Variants in EXT1 observed in about 807,000 individuals in gnomAD.
The protein encoded by EXT1 is exostosin glycosyltransferase 1.
A neutral mutation model predicts 82.5 loss-of-function variants in EXT1; 20 were observed. The observed-to-expected ratio is 0.24, with a 90% CI of 0.17 to 0.35. The LOEUF is 0.35. Among genes scored for constraint, EXT1 ranks in the 10% least tolerant of loss-of-function variants. EXT1 has a pLI of 1.00. For synonymous variants in EXT1, 348 were observed against 350.8 expected (o/e 0.99, Z 0.09); for missense variants, 757 against 936.5 (o/e 0.81, Z 2.50).
intron 1 of EXT1, among the ~76,000 whole-genome samples, chr8:117,876,783 TTTGTTTA>T (rs1436829588): frequency 4.6e-5 from 7 of 152,186 alleles, no homozygotes; most frequent in Non-Finnish European, 8.8e-5. Context: ...TGGAGATTCA[TTTGTTTA>T]CCATTCATTC....
chr8:118,009,566 G>A (rs1815851273), intron 1 of EXT1, among the ~76,000 whole-genome samples: 1 of 152,208 alleles, frequency 6.6e-6, no homozygotes, highest in Non-Finnish European at 1.5e-5. Context: ...TTGGGCAGCA[G>A]ACCGACCCTA....
chr8:118,084,664 G>C (rs114214380), intron 1 of EXT1, among the ~76,000 whole-genome samples: 3 of 152,190 alleles, frequency 2.0e-5, no homozygotes, highest in African/African-American at 7.2e-5. Flanking sequence ...GACTCTGGGA[G>C]CACAGTCCAG....
chr8:118,109,329 G>A (rs1817848874), intron 1 of EXT1, among the ~76,000 whole-genome samples: 1 of 149,418 alleles, frequency 6.7e-6, no homozygotes, highest in Admixed American at 6.7e-5. Context: ...TTAGCAACTG[G>A]AGTTTAGACA....
chr8:117,962,248 T>G (rs1048848093), intron 1 of EXT1, among the ~76,000 whole-genome samples: 2 of 152,194 alleles, frequency 1.3e-5, no homozygotes, highest in African/African-American at 4.8e-5. Context: ...CTTCTTTCTA[T>G]GAATCTATGC....
In EXT1 at chr8:118,103,407, C is replaced by G. The variant is rs1454136466; in HGVS notation, c.962+6678G>C. Among the ~76,000 whole-genome samples the G allele has an allele frequency of 2.0e-5, 3 of 152,170 alleles. No homozygotes were observed. In the South Asian group the frequency reaches 6.2e-4, roughly 32 times the overall value. On this transcript the variant is annotated intron_variant, in intron 1 of 10. Transcript: ENST00000378204. ...GCTCAAGCAATCCTCCCGCCTTAGCCTTCCAAAGTGCTGGGATTACAGGCA... is the reference window on the plus strand; with the variant it reads ...GCTCAAGCAATCCTCCCGCCTTAGCGTTCCAAAGTGCTGGGATTACAGGCA...
chr8:118,066,164 T>C (rs539395852), intron 1 of EXT1, among the ~76,000 whole-genome samples: 1 of 152,266 alleles, frequency 6.6e-6, no homozygotes, highest in African/African-American at 2.4e-5. Flanking sequence ...TCCACATCTG[T>C]CACCCGCAAG....
At chr8:117,927,740 G>T (rs2129643222) in intron 1 of EXT1, among the ~76,000 whole-genome samples, 1 of 152,264 alleles carries the variant, frequency 6.6e-6, no homozygotes. Context: ...GTTTGCCTGT[G>T]ACCCATACGG....
At chr8:117,991,584 T>TGG (rs1342558223) in intron 1 of EXT1, among the ~76,000 whole-genome samples, 1 of 151,976 alleles carries the variant, frequency 6.6e-6, no homozygotes, top group African/African-American at 2.4e-5. Context: ...TTTTTTGAGA[T>TGG]GGAGTAAGAC....
At chr8:117,858,800 C>G (rs1347484320) in intron 1 of EXT1, among the ~76,000 whole-genome samples, 4 of 71,746 alleles carry the variant, frequency 5.6e-5, no homozygotes, top group Admixed American at 2.9e-4. Context: ...CAAGGCAAGG[C>G]AAGGCAAGGC....
intron 1 of EXT1, among the ~76,000 whole-genome samples, chr8:117,910,479 G>A (rs190625696): frequency 1.4e-4 from 22 of 152,242 alleles, no homozygotes; most frequent in Admixed American, 3.3e-4. Context: ...TGAGACTGCC[G>A]AAAACACATC....
At chr8:117,885,508 AAAAAG>A (rs1813132742) in intron 1 of EXT1, among the ~76,000 whole-genome samples, 1 of 151,590 alleles carries the variant, frequency 6.6e-6, no homozygotes, top group African/African-American at 2.4e-5. Context: ...AAAAAAAAAA[AAAAAG>A]AAAGAAAGAA....
chr8:117,910,810 G>C (rs541193145), intron 1 of EXT1, among the ~76,000 whole-genome samples: 1 of 152,172 alleles, frequency 6.6e-6, no homozygotes, highest in East Asian at 1.9e-4. Flanking sequence ...GGCAGGATCC[G>C]CATGATCCTG....
At chr8:118,070,313 TTAGAG>T (rs750236199) in intron 1 of EXT1, among the ~76,000 whole-genome samples, 21 of 148,064 alleles carry the variant, frequency 1.4e-4, no homozygotes, top group African/African-American at 2.2e-4. Flanking sequence ...ACATATCTAC[TTAGAG>T]TAAACATACA....
intron 7 of EXT1, among the ~76,000 whole-genome samples, chr8:117,816,789 G>C (rs1811828668): frequency 2.0e-5 from 3 of 152,202 alleles, no homozygotes. Context: ...ATGGCTCCCA[G>C]ACAGACTGGA....
chr8:118,044,219 A>C (rs1816582783), intron 1 of EXT1, among the ~76,000 whole-genome samples: 1 of 152,202 alleles, frequency 6.6e-6, no homozygotes, highest in African/African-American at 2.4e-5. Context: ...TGTCAAAATA[A>C]CACCACAAAC....
chr8:117,898,818 G>A (rs1473199745), intron 1 of EXT1, among the ~76,000 whole-genome samples: 1 of 148,366 alleles, frequency 6.7e-6, no homozygotes, highest in Admixed American at 6.6e-5. Context: ...AAACCCAGAC[G>A]GCAGGAAAAA....
At position 117,852,516 on chromosome 8, in the gene EXT1, T is replaced by C. The variant is rs147935870; in HGVS notation, c.963-15315A>G. 2.7e-3 allele frequency among the ~76,000 whole-genome samples: 416 copies of C among 152,310 alleles called. 3 individuals carry two copies. Among genetic ancestry groups the C allele is most frequent in the East Asian group, 0.013 (69 of 5,162 alleles). ...TATTTATCTCAGCCAGGACCACCAA[T>C]GGAACATAGAAACTTCAAGGCCTCT... On this transcript the variant is annotated intron_variant, in intron 1 of 10. Coordinates refer to ENST00000378204, the MANE Select transcript of EXT1 (RefSeq NM_000127.3).
intron 1 of EXT1, among the ~76,000 whole-genome samples, chr8:117,989,061 CAAAAA>C (rs10649300): frequency 1.9e-5 from 2 of 105,334 alleles, no homozygotes; most frequent in East Asian, 2.8e-4. Context: ...CCCCTCCTCT[CAAAAA>C]AAAAAAAAAA....
intron 1 of EXT1, among the ~76,000 whole-genome samples, chr8:117,955,010 CCCT>C (rs1057484652): frequency 1.3e-5 from 2 of 152,140 alleles, no homozygotes; most frequent in African/African-American, 2.4e-5. Context: ...TCTCATGACT[CCCT>C]CCTCAAGTTC....
Sources: allele counts gnomAD v4.1 joint callset (sites outside exome capture counted in the v4.1 genomes callset), GRCh38; gene constraint gnomAD v4.1.1; transcripts MANE v1.5; gene names NCBI Gene and HGNC (gene_info 2026-07-23, HGNC 2026-07-21).